BSN: variants seen among roughly 807,000 people sequenced by gnomAD.
The protein encoded by BSN is bassoon presynaptic cytomatrix protein.
BSN carries 57 observed loss-of-function variants against 264.8 expected under a neutral mutation model. That is an observed-to-expected ratio of 0.22 (90% CI 0.17 to 0.27). The LOEUF (loss-of-function observed/expected upper bound fraction) is 0.27. Ranked by LOEUF, BSN falls within the 10% of genes least tolerant of loss-of-function variation. The probability of loss-of-function intolerance (pLI) is 1.00; values close to 1 mark genes in which losing one functional copy is unlikely to be tolerated. For synonymous variants in BSN, 2,059 were observed against 2,137.3 expected (o/e 0.96, Z 1.01); for missense variants, 4,615 against 5,232.5 (o/e 0.88, Z 3.64).
chr3:49,652,215 C>G lies in BSN; in HGVS notation c.2659C>G (p.Gln887Glu). 1.2e-6 allele frequency: 2 copies of G among 1,612,848 alleles called. No individual in the cohort carries two copies. The highest frequency in any genetic ancestry group is 1.7e-6 in the Non-Finnish European group (2 of 1,179,300). ...GGPRPRPEPS[Q>E]EPAALPKRRL... ...CCCCAGACCCAGGCCTGAGCCTAGC[C>G]AAGAACCAGCAGCACTGCCCAAGAG... The change falls in exon 5 of 12, where the codon CAA becomes GAA. Residue 887 changes from glutamine to glutamate, a missense_variant. Gln to Glu is a conservative substitution (Grantham distance 29, BLOSUM62 2). Transcript: ENST00000296452.
chr3:49,566,579 G>T (rs2051753501), intron 1 of BSN, among the ~76,000 whole-genome samples: 1 of 152,032 alleles, frequency 6.6e-6, no homozygotes, highest in South Asian at 2.1e-4. Context: ...GAGCCCAGGA[G>T]TTTGAGACTA....
chr3:49,641,954 A>G, intron 2 of BSN, among the ~76,000 whole-genome samples: 1 of 148,880 alleles, frequency 6.7e-6, no homozygotes, highest in Middle Eastern at 3.2e-3. Flanking sequence ...GGGTGCACAG[A>G]TCTGAGGCAC....
Position 49,643,098 on chromosome 3 carries a change from C to T in BSN, c.1464C>T (p.Cys488=), listed in dbSNP as rs138203989. The part of the protein sequence containing the change: ...SPANYNTCTT[C]RLQVCNLCGF... The stretch of plus-strand genomic sequence containing the variant: ...CCAACTATAACACATGCACCACCTG[C>T]AGGCTCCAGGTGTGCAACCTGTGTG... Residue 488 remains cysteine, a synonymous_variant, in exon 3 of 12, where the codon TGC becomes TGT. Coordinates refer to ENST00000296452, the MANE Select transcript of BSN (RefSeq NM_003458.4). 157 of 1,613,618 alleles carry T rather than the reference C, an allele frequency of 9.7e-5. No homozygotes were observed. Among genetic ancestry groups the T allele is most frequent in the Non-Finnish European group, 1.2e-4 (146 of 1,179,922 alleles).
At chr3:49,594,358 C>G (rs2052004738) in intron 1 of BSN, among the ~76,000 whole-genome samples, 1 of 152,142 alleles carries the variant, frequency 6.6e-6, no homozygotes, top group South Asian at 2.1e-4. Flanking sequence ...AGGTTTCAAG[C>G]TTAGGCCAAA....
chr3:49,664,684 T>TC (rs1372154587), intron 9 of BSN, 115 bp from the exon 10 acceptor site: 1 of 1,543,646 alleles, frequency 6.5e-7, no homozygotes, highest in African/African-American at 1.4e-5. Context: ...GCCCAGTTGT[T>TC]CTCCGGGCAA....
intron 2 of BSN, among the ~76,000 whole-genome samples, chr3:49,626,581 C>T (rs2052342520): frequency 1.3e-5 from 2 of 152,136 alleles, no homozygotes; most frequent in Admixed American, 1.3e-4. Context: ...AACAGGCCAT[C>T]CTGCACTGTT....
chr3:49,673,095 T>TC (rs2052849221), downstream of BSN, among the ~76,000 whole-genome samples: 1 of 121,376 alleles, frequency 8.2e-6, no homozygotes, highest in African/African-American at 3.2e-5. Flanking sequence ...GACTTTTTTT[T>TC]TTTTTTTTTT....
At position 49,661,397 on chromosome 3, in the gene BSN, A is replaced by C. The variant is rs1156862347; in HGVS notation, c.9552A>C (p.Ala3184=). Residue 3184 remains alanine, a synonymous_variant, in exon 6 of 12, where the codon GCA becomes GCC. Transcript: ENST00000296452. ...APSETSYSGP[A]VSSGYEQGKV... ...CTGAAACCAGCTACAGTGGCCCAGC[A>C]GTGAGCAGCGGCTATGAGCAGGGCA... 4 of 1,613,958 alleles carry C rather than the reference A, an allele frequency of 2.5e-6. No homozygotes were observed. Among genetic ancestry groups the C allele is most frequent in the South Asian group, 1.1e-5 (1 of 91,086 alleles).
chr3:49,629,576 G>T (rs1316860366), intron 2 of BSN, among the ~76,000 whole-genome samples: 1 of 152,268 alleles, frequency 6.6e-6, no homozygotes, highest in African/African-American at 2.4e-5. Flanking sequence ...CTGGCCTGGA[G>T]CTCCTGCAGA....
intron 1 of BSN, among the ~76,000 whole-genome samples, chr3:49,600,397 A>C (rs1327418510): frequency 6.6e-6 from 1 of 152,182 alleles, no homozygotes; most frequent in African/African-American, 2.4e-5. Flanking sequence ...GGATTTCCGT[A>C]CATGAGGTTG....
intron 1 of BSN, among the ~76,000 whole-genome samples, chr3:49,584,970 C>G (rs1166984543): frequency 6.6e-6 from 1 of 152,166 alleles, no homozygotes; most frequent in African/African-American, 2.4e-5. Flanking sequence ...GACTGTATCT[C>G]ATTCTTTTTT....
chr3:49,637,278 T>C (rs1479244338), intron 2 of BSN, among the ~76,000 whole-genome samples: 1 of 151,946 alleles, frequency 6.6e-6, no homozygotes, highest in African/African-American at 2.4e-5. Flanking sequence ...GAAGAGAACA[T>C]GTGACTTCGG....
In BSN at chr3:49,654,296, G is replaced by C. The variant is rs374637549; in HGVS notation, c.4740G>C (p.Pro1580=). 2 of 1,613,346 alleles carry C rather than the reference G, an allele frequency of 1.2e-6. No homozygotes were observed. The highest frequency in any genetic ancestry group is 1.7e-6 in the Non-Finnish European group (2 of 1,179,914). The change falls in exon 5 of 12, where the codon CCG becomes CCC. Residue 1580 remains proline (P), a synonymous_variant. Coordinates refer to ENST00000296452, the MANE Select transcript of BSN (RefSeq NM_003458.4). The surrounding 1 kb of genome is among the most constrained non-coding windows in gnomAD (Gnocchi z 4.1). ...RMVHASASTS[P]LCSPTETQPT... The stretch of plus-strand genomic sequence containing the variant: ...TACATGCCAGTGCCTCCACCTCCCC[G>C]CTCTGCTCACCTACTGAAACCCAGC...
intron 1 of BSN, among the ~76,000 whole-genome samples, chr3:49,606,533 T>A (rs1056332232): frequency 6.6e-6 from 1 of 151,490 alleles, no homozygotes; most frequent in African/African-American, 2.4e-5. Context: ...TGAGTGGCCT[T>A]GTGTGCCTTG....
chr3:49,582,952 C>CATGT (rs1553659261), intron 1 of BSN, among the ~76,000 whole-genome samples: 4 of 143,790 alleles, frequency 2.8e-5, no homozygotes, highest in Non-Finnish European at 6.0e-5. Context: ...TGGTGTATTA[C>CATGT]ATTTATTTAT....
At chr3:49,615,038 C>G (rs917965000) in intron 1 of BSN, among the ~76,000 whole-genome samples, 2 of 152,138 alleles carry the variant, frequency 1.3e-5, no homozygotes, top group Admixed American at 6.5e-5. Context: ...CCTACCAGTC[C>G]CTCTTGTCAC....
chr3:49,664,036 AAAC>A, intron 8 of BSN, 150 bp downstream of exon 8: 2 of 788,524 alleles, frequency 2.5e-6, no homozygotes, highest in Non-Finnish European at 2.0e-6. Context: ...CCCCAGCAGA[AAAC>A]AAGCCTGGGG....
At chr3:49,590,477 C>G (rs955417547) in intron 1 of BSN, among the ~76,000 whole-genome samples, 13 of 151,622 alleles carry the variant, frequency 8.6e-5, no homozygotes, top group African/African-American at 3.2e-4. Context: ...TAATTTACTA[C>G]TTTTTTTTAT....
In BSN at chr3:49,642,035, G is replaced by A. The variant is rs1349109657; in HGVS notation, c.634-233G>A. Among the ~76,000 whole-genome samples, 1 of 152,034 alleles carries A rather than the reference G, an allele frequency of 6.6e-6. No homozygotes were observed. The highest frequency in any genetic ancestry group is 1.9e-4 in the East Asian group (1 of 5,168). ...GGCAGTGAGTTGGTGGTTGGGGTGG[G>A]GTGGGGGATGGGACTGCCTCCACTG... On this transcript the variant is annotated intron_variant, in intron 2 of 11. Transcript: ENST00000296452. This position sits in a 1 kb window ranked among gnomAD's most constrained non-coding sequence, Gnocchi z 7.0.
Sources: gnomAD v4.1 joint callset for allele counts (sites outside exome capture counted in the v4.1 genomes callset) on GRCh38, gnomAD v4.1.1 for gene constraint, Gnocchi (gnomAD v3.1) non-coding constraint, MANE v1.5 for transcripts, NCBI Gene and HGNC (gene_info 2026-07-23, HGNC 2026-07-21) for gene names.